The following PXDN variants were observed in gnomAD, a reference collection of about 807,000 sequenced individuals.
PXDN encodes the protein peroxidasin, also known as peroxidasin homolog.
A neutral mutation model predicts 140.3 loss-of-function variants in PXDN; 77 were observed. The observed-to-expected ratio is 0.55, with a 90% CI of 0.46 to 0.66. The LOEUF is 0.66. PXDN is among the 30% of genes least tolerant of loss of function. The pLI, the probability that PXDN is intolerant of heterozygous loss-of-function variation, is 0.00. For missense variants in PXDN, 1,838 were observed against 2,039.5 expected, an observed-to-expected ratio of 0.90 and a Z score of 1.90; for synonymous variants, 911 against 857.4, an observed-to-expected ratio of 1.06 and a Z score of -1.09.
At chr2:1,709,992 A>G (rs1186418595) in intron 1 of PXDN, among the ~76,000 whole-genome samples, 3 of 152,156 alleles carry the variant, frequency 2.0e-5, no homozygotes, top group African/African-American at 7.2e-5. Context: ...AGGCTGCCCA[A>G]TGCAAACAGC....
At chr2:1,670,082 G>T (rs749650458) in intron 9 of PXDN, among the ~76,000 whole-genome samples, 8 of 152,262 alleles carry the variant, frequency 5.3e-5, no homozygotes, top group Admixed American at 6.5e-5. Flanking sequence ...GGGCTCTGCT[G>T]ACAGTCTAAA....
At chr2:1,650,467 C>T (rs1379971430) in intron 16 of PXDN, among the ~76,000 whole-genome samples, 1 of 152,150 alleles carries the variant, frequency 6.6e-6, no homozygotes, top group Non-Finnish European at 1.5e-5. Flanking sequence ...TAGCCTGGGC[C>T]ATCACTCCAC....
At chr2:1,704,965 G>A (rs762377034) in intron 1 of PXDN, among the ~76,000 whole-genome samples, 14 of 152,112 alleles carry the variant, frequency 9.2e-5, no homozygotes, top group Non-Finnish European at 1.3e-4. Context: ...TGCATCATCC[G>A]TCAGTGTATT....
At chr2:1,723,274 T>C (rs1054065535) in intron 1 of PXDN, among the ~76,000 whole-genome samples, 1 of 151,924 alleles carries the variant, frequency 6.6e-6, no homozygotes, top group Non-Finnish European at 1.5e-5. Context: ...GACTAATGAA[T>C]GGAAAGGTGA....
At chr2:1,655,540 C>T (rs996090967) in intron 14 of PXDN, among the ~76,000 whole-genome samples, 2 of 151,916 alleles carry the variant, frequency 1.3e-5, no homozygotes, top group Non-Finnish European at 2.9e-5. Context: ...CACACACACA[C>T]ATCTGCCCCT....
chr2:1,638,733 G>A, intron 21 of PXDN, 113 bp downstream of exon 21: 9 of 1,501,888 alleles, frequency 6.0e-6, no homozygotes, highest in Middle Eastern at 2.3e-4. Flanking sequence ...TGGGTCCTGT[G>A]TGGGCAGTTG....
Position 1,666,285 on chromosome 2 carries a change from C to T in PXDN, c.1220G>A (p.Ser407Asn). ...LYIQNVVQGD[S>N]GEYACSATNN... ...GGTCGCAGAGCACGCATACTCTCCG[C>T]TGTCCCCCTGTACGACGTTCTGTAT... The change falls in exon 10 of 23, where the codon AGC (serine) becomes AAC (asparagine). Residue 407 changes from serine to asparagine, a missense_variant. This residue lies in a region of PXDN where 537 missense variants were observed against 583.9 expected (regional missense o/e 0.92). Coordinates refer to ENST00000252804, the MANE Select transcript of PXDN (RefSeq NM_012293.3). 2 of 1,614,070 alleles carry T rather than the reference C, an allele frequency of 1.2e-6. No homozygotes were observed. The highest frequency in any genetic ancestry group is 1.7e-6 in the Non-Finnish European group (2 of 1,179,902).
chr2:1,743,759 C>G (rs1028995214), intron 1 of PXDN, among the ~76,000 whole-genome samples: 2 of 82,136 alleles, frequency 2.4e-5, no homozygotes, highest in African/African-American at 4.5e-5. Context: ...GCGAACAGGA[C>G]GAGGAACGGG....
intron 1 of PXDN, among the ~76,000 whole-genome samples, chr2:1,713,469 C>T (rs1684828876): frequency 6.6e-6 from 1 of 152,186 alleles, no homozygotes; most frequent in Admixed American, 6.5e-5. Context: ...CTGGAAAACC[C>T]ATTCCAGACT....
intron 1 of PXDN, among the ~76,000 whole-genome samples, chr2:1,709,517 G>A (rs1039353419): frequency 2.6e-5 from 4 of 152,150 alleles, no homozygotes; most frequent in Non-Finnish European, 5.9e-5. Context: ...AGGGACAGCC[G>A]GAGCCAGCTT....
intron 22 of PXDN, among the ~76,000 whole-genome samples, chr2:1,634,639 C>A (rs1682501485): frequency 6.6e-6 from 1 of 152,230 alleles, no homozygotes. Context: ...ATCCTCCCAC[C>A]TCACACCTGG....
At chr2:1,732,445 TCA>T (rs915837242) in intron 1 of PXDN, among the ~76,000 whole-genome samples, 3 of 148,336 alleles carry the variant, frequency 2.0e-5, no homozygotes, top group African/African-American at 4.9e-5. Context: ...GATCACAGGG[TCA>T]CACACACACT....
chr2:1,709,422 G>A (rs1350174013), intron 1 of PXDN, among the ~76,000 whole-genome samples: 7 of 152,196 alleles, frequency 4.6e-5, no homozygotes, highest in African/African-American at 9.7e-5. Flanking sequence ...AAGACAGGGT[G>A]AGGAAAGGAC....
In PXDN at chr2:1,649,596, G is replaced by A. The variant is rs766598025; in HGVS notation, c.2184C>T (p.Arg728=). The A allele has an allele frequency of 1.6e-5, 26 of 1,613,916 alleles. No individual in the cohort carries two copies. The highest frequency in any genetic ancestry group is 2.7e-5 in the African/African-American group (2 of 74,946). Residue 728 remains arginine, a synonymous_variant, in exon 17 of 23, where the codon CGC becomes CGT. Transcript: ENST00000252804. This position sits in a 1 kb window ranked among gnomAD's most constrained non-coding sequence, Gnocchi z 7.1. ...ANLSGCTAHR[R]VNNCSDMCFH... ...AGCACATGTCCGAGCAGTTGTTCAC[G>A]CGCCGGTGGGCGGTACAGCCCGACA...
At position 1,637,093 on chromosome 2, in the gene PXDN, G is replaced by A. The variant is rs541969805; in HGVS notation, c.4207-1572C>T. The A allele has an allele frequency of 5.2e-5, 8 of 152,516 alleles. No homozygotes were observed. In the East Asian group the frequency reaches 1.2e-3, roughly 22 times the overall value. The allele number at this position is 152,516 out of a possible 1,614,324, so 9.4% of individuals were successfully genotyped here. On this transcript the variant is annotated intron_variant, in intron 21 of 22. Transcript: ENST00000252804. The stretch of plus-strand genomic sequence containing the variant: ...GAATCAGCAACATGGGAGGGCATAG[G>A]GCGTTGGTATTTGCCGACACAGGTG...
chr2:1,719,212 C>A (rs1253733878), intron 1 of PXDN, among the ~76,000 whole-genome samples: 2 of 152,160 alleles, frequency 1.3e-5, no homozygotes, highest in African/African-American at 2.4e-5. Flanking sequence ...CGTGTGGGAA[C>A]AGAGCCAGGG....
In PXDN at chr2:1,634,022, T is replaced by C; in HGVS notation, c.*182A>G. 1.2e-6 allele frequency: 1 copy of C among 854,578 alleles called. No homozygotes were observed. The highest frequency in any genetic ancestry group is 1.7e-6 in the Non-Finnish European group (1 of 596,392). 52.9% of individuals were successfully genotyped at this position (854,578 alleles called of 1,614,324 possible). On this transcript the variant is annotated 3_prime_UTR_variant, in exon 23 of 23. Coordinates refer to ENST00000252804, the MANE Select transcript of PXDN (RefSeq NM_012293.3). ...CCTTCAGGCACCTGCTGTGCCTCCT[T>C]CTCCGCAGATGCTCTGGTTGGAAGC...
At chr2:1,704,541 GGGGCAACTCCAGGTGAAGGGA>G in intron 1 of PXDN, among the ~76,000 whole-genome samples, 1 of 106,152 alleles carries the variant, frequency 9.4e-6, no homozygotes, top group Admixed American at 1.0e-4. Flanking sequence ...CAGGTGAAGG[GGGGCAACTCCAGGTGAAGGGA>G]GGGCAACTCC....
Position 1,639,407 on chromosome 2 carries a change from C to T in PXDN, c.3968G>A (p.Gly1323Glu), listed in dbSNP as rs1558483543. ...ATGATAGGAAAAGGCATTGAACTGC[C>T]CCCTGGTCCTACAGTCTAAAATGGA... ...QDCCEDCRTR[G>E]QFNAFSYHFR... is the part of the protein sequence containing the mutation. Residue 1323 changes from glycine (G) to glutamate (E), a missense_variant, in exon 20 of 23, where the codon GGG becomes GAG. Transcript: ENST00000252804. The surrounding 1 kb of genome is among the most constrained non-coding windows in gnomAD (Gnocchi z 5.0). 3 of 1,613,974 alleles carry T rather than the reference C, an allele frequency of 1.9e-6. No homozygotes were observed. The highest frequency in any genetic ancestry group is 2.2e-5 in the East Asian group (1 of 44,884).
Sources: gnomAD v4.1 joint callset for allele counts (sites outside exome capture counted in the v4.1 genomes callset) on GRCh38, gnomAD v4.1.1 for gene constraint, gnomAD v4.1.1 regional missense constraint, Gnocchi (gnomAD v3.1) non-coding constraint, MANE v1.5 for transcripts, NCBI Gene and HGNC (gene_info 2026-07-23, HGNC 2026-07-21) for gene names.